The following CYRIB variants were observed in gnomAD, a reference collection of about 807,000 sequenced individuals.
CYRIB encodes the protein CYFIP-related Rac1 interactor B.
A neutral mutation model predicts 44.2 loss-of-function variants in CYRIB; 8 were observed. The observed-to-expected ratio is 0.18, with a 90% CI of 0.11 to 0.33. The LOEUF is 0.33. Ranked by LOEUF, CYRIB falls within the 10% of genes least tolerant of loss-of-function variation. CYRIB has a pLI of 1.00. For missense variants in CYRIB, 185 were observed against 382.8 expected (o/e 0.48, Z 4.31); for synonymous variants, 131 against 127.2 (o/e 1.03, Z -0.20).
At chr8:129,881,812 G>A (rs1310034485) in intron 2 of CYRIB, among the ~76,000 whole-genome samples, 1 of 152,048 alleles carries the variant, frequency 6.6e-6, no homozygotes, top group Non-Finnish European at 1.5e-5. Context: ...TAAGCTAAGA[G>A]GGAAATATTT....
At chr8:130,016,715 GCGCGCCGCGCCCCGGGACCGCCC>G (rs1263609768), upstream of CYRIB, 1 of 148,906 alleles carries the variant, frequency 6.7e-6, no homozygotes, top group Non-Finnish European at 1.5e-5. Flanking sequence ...CGGCGTCAGC[GCGCGCCGCGCCCCGGGACCGCCC>G]CGCGCCGGCC....
At chr8:129,952,639 G>C (rs2094566478) in intron 2 of CYRIB, among the ~76,000 whole-genome samples, 1 of 152,026 alleles carries the variant, frequency 6.6e-6, no homozygotes, top group African/African-American at 2.4e-5. Flanking sequence ...GTGTGAACAG[G>C]AGAAATATGG....
intron 5 of CYRIB, among the ~76,000 whole-genome samples, chr8:129,859,588 A>G (rs2048233476): frequency 6.6e-6 from 1 of 152,166 alleles, no homozygotes; most frequent in Admixed American, 6.5e-5. Context: ...CGCTGGTGTC[A>G]CCGCTAGACT....
intron 1 of CYRIB, among the ~76,000 whole-genome samples, chr8:129,915,544 T>A (rs1439937662): frequency 3.3e-5 from 5 of 152,174 alleles, no homozygotes; most frequent in Non-Finnish European, 5.9e-5. Context: ...GGTGGTTGAC[T>A]GGCGTCTAGG....
intron 1 of CYRIB, among the ~76,000 whole-genome samples, chr8:130,014,989 A>T (rs2097308497): frequency 6.6e-6 from 1 of 152,206 alleles, no homozygotes; most frequent in Non-Finnish European, 1.5e-5. Context: ...TGGCAATCAA[A>T]ATGACGCCTT....
At chr8:129,880,499 A>C (rs1448198852) in intron 2 of CYRIB, 2 of 946,828 alleles carry the variant, frequency 2.1e-6, no homozygotes, top group East Asian at 2.3e-4. Context: ...TCCAGTAAAA[A>C]ATTTTAAGCA....
chr8:129,951,069 C>T (rs1325338629), intron 2 of CYRIB, among the ~76,000 whole-genome samples: 1 of 152,158 alleles, frequency 6.6e-6, no homozygotes, highest in Non-Finnish European at 1.5e-5. Flanking sequence ...CTTTAGGAGG[C>T]CAAGGCAGGC....
chr8:129,921,561 C>T (rs966618605), intron 1 of CYRIB, among the ~76,000 whole-genome samples: 3 of 152,148 alleles, frequency 2.0e-5, no homozygotes, highest in Admixed American at 6.5e-5. Flanking sequence ...GATCACACCA[C>T]CACACTCAAC....
At chr8:129,910,009 T>C (rs991640838) in intron 1 of CYRIB, among the ~76,000 whole-genome samples, 1 of 152,258 alleles carries the variant, frequency 6.6e-6, no homozygotes, top group Non-Finnish European at 1.5e-5. Flanking sequence ...CCTCAGGGGA[T>C]GCCTGGAGTC....
chr8:129,934,276 G>A lies in CYRIB; in HGVS notation c.-50+5332C>T, dbSNP rs77879094. On this transcript the variant is annotated intron_variant, in intron 1 of 11. Coordinates refer to ENST00000519824, the Ensembl canonical transcript of CYRIB. ...GTCTCCAGCCTGATGTTCCTATTTC[G>A]AGGTGGGTCAGCTTACACTCAATGA... is the stretch of plus-strand genomic sequence containing the variant. Among the ~76,000 whole-genome samples, 9 of 152,212 alleles carry A rather than the reference G, an allele frequency of 5.9e-5. No homozygotes were observed. In the East Asian group the frequency reaches 1.5e-3, roughly 26 times the overall value.
intron 3 of CYRIB, 103 bp downstream of exon 5, chr8:129,879,286 G>T: frequency 1.3e-6 from 1 of 765,238 alleles, no homozygotes; most frequent in South Asian, 1.5e-5. Context: ...GCTCAGTCAT[G>T]CAAAGCAGTT....
chr8:129,992,289 GC>G lies in CYRIB; in HGVS notation c.-295-21295del, dbSNP rs575090151. On this transcript the variant is annotated intron_variant, in intron 1 of 14. Coordinates refer to the CYRIB transcript ENST00000401979. ...AGCCTGGGCAACAGAGTAAGACCCT[GC>G]CTCAAAAAATAAAAATAAAAAATAA... 2.3e-3 allele frequency among the ~76,000 whole-genome samples: 348 copies of G among 152,174 alleles called. 2 individuals are homozygous for G. Among genetic ancestry groups the G allele is most frequent in the African/African-American group, 7.9e-3 (328 of 41,530 alleles).
chr8:129,954,941 A>G (rs558288876), intron 2 of CYRIB, among the ~76,000 whole-genome samples: 31 of 152,280 alleles, frequency 2.0e-4, no homozygotes, highest in Admixed American at 1.0e-3. Context: ...CTCTTCCACC[A>G]TTGCAAAATG....
At chr8:130,006,271 C>A (rs1592324007) in intron 1 of CYRIB, among the ~76,000 whole-genome samples, 1 of 151,672 alleles carries the variant, frequency 6.6e-6, no homozygotes, top group East Asian at 1.9e-4. Context: ...CCGCTGTACT[C>A]CAGCTTGGGT....
At chr8:129,923,323 G>C (rs2085056620) in intron 1 of CYRIB, among the ~76,000 whole-genome samples, 1 of 151,728 alleles carries the variant, frequency 6.6e-6, no homozygotes, top group Admixed American at 6.6e-5. Flanking sequence ...CACCCAGGCT[G>C]GAGTGCAATG....
At chr8:129,896,660 C>CGGG (rs2068226246) in intron 2 of CYRIB, 1 of 152,234 alleles carries the variant, frequency 6.6e-6, no homozygotes. Context: ...TACTTATAAA[C>CGGG]ATGCCACCCA....
intron 1 of CYRIB, among the ~76,000 whole-genome samples, chr8:129,974,792 T>C (rs886864313): frequency 1.3e-5 from 2 of 151,520 alleles, no homozygotes; most frequent in Non-Finnish European, 2.9e-5. Flanking sequence ...CAAACATGGC[T>C]TACTGTAGCC....
At chr8:129,878,335 G>C (rs2059831187) in intron 3 of CYRIB, among the ~76,000 whole-genome samples, 1 of 152,102 alleles carries the variant, frequency 6.6e-6, no homozygotes, top group Non-Finnish European at 1.5e-5. Context: ...GAACTGCCAT[G>C]GTTTAGAATG....
intron 1 of CYRIB, among the ~76,000 whole-genome samples, chr8:130,006,609 T>TATATATGTATATATATATAC (rs1564797896): frequency 1.3e-3 from 9 of 6,996 alleles, no homozygotes; most frequent in Non-Finnish European, 2.7e-3. Context: ...TATATATACA[T>TATATATGTATATATATATAC]ATATATGTGT....
Sources: allele counts gnomAD v4.1 joint callset (sites outside exome capture counted in the v4.1 genomes callset), GRCh38; gene constraint gnomAD v4.1.1; transcripts MANE v1.5; gene names NCBI Gene and HGNC (gene_info 2026-07-23, HGNC 2026-07-21).